Variants in MITF observed in about 807,000 individuals in gnomAD.
The protein encoded by MITF is melanocyte inducing transcription factor.
A neutral mutation model predicts 60.5 loss-of-function variants in MITF; 17 were observed. That is an observed-to-expected ratio of 0.28 (90% confidence interval 0.19 to 0.42). The LOEUF (loss-of-function observed/expected upper bound fraction) is 0.42, where lower values mean the gene tolerates loss of function less well. Among genes scored for constraint, MITF ranks in the 10% least tolerant of loss-of-function variants. The pLI is 1.00. For synonymous variants in MITF, 260 were observed against 248.5 expected (o/e 1.05, Z -0.43); for missense variants, 622 against 683.5 (o/e 0.91, Z 1.00).
chr3:69,763,834 G>C lies in MITF; in HGVS notation c.104+24133G>C, dbSNP rs1166719821. The C allele has an allele frequency of 8.8e-6, 12 of 1,367,516 alleles. 1 individual carries two copies. In the East Asian group the frequency reaches 4.3e-4, roughly 49 times the overall value. 84.7% of individuals were successfully genotyped at this position (1,367,516 alleles called of 1,614,324 possible). On this transcript the variant is annotated intron_variant, in intron 1 of 9. Transcript: ENST00000352241. ...TTCAGACCTATTCCGCTCCATCTCT[G>C]AAGTCAAATGGGACACCTTGAAAAT... is the stretch of plus-strand genomic sequence containing the variant.
chr3:69,828,939 C>A (rs1346850), intron 1 of MITF, among the ~76,000 whole-genome samples: 75,675 of 151,064 alleles, frequency 0.5, 20,571 homozygotes, highest in Non-Finnish European at 0.63. Flanking sequence ...ACTGGAATAT[C>A]GTGTGAGTGT....
At chr3:69,793,052 A>T (rs1470903098) in intron 1 of MITF, among the ~76,000 whole-genome samples, 8 of 105,098 alleles carry the variant, frequency 7.6e-5, no homozygotes, top group Non-Finnish European at 1.0e-4. Flanking sequence ...TCCCTCTGCC[A>T]CCCATGCTGA....
chr3:69,960,762 G>C (rs2066521447), intron 9 of MITF, among the ~76,000 whole-genome samples: 1 of 152,200 alleles, frequency 6.6e-6, no homozygotes, highest in African/African-American at 2.4e-5. Context: ...GTTTCACCTA[G>C]TGGTGCTCCT....
intron 2 of MITF, among the ~76,000 whole-genome samples, chr3:69,918,522 T>C (rs1376519193): frequency 6.6e-6 from 1 of 152,208 alleles, no homozygotes; most frequent in African/African-American, 2.4e-5. Flanking sequence ...CTGATAGCAG[T>C]GCATTGATTA....
At chr3:69,864,044 G>A (rs1380548695) in intron 1 of MITF, among the ~76,000 whole-genome samples, 2 of 152,078 alleles carry the variant, frequency 1.3e-5, no homozygotes, top group Non-Finnish European at 2.9e-5. Flanking sequence ...GATTATAATT[G>A]TAAGAGCTTT....
At chr3:69,910,460 C>T (rs2065200080) in intron 2 of MITF, among the ~76,000 whole-genome samples, 1 of 152,122 alleles carries the variant, frequency 6.6e-6, no homozygotes, top group Non-Finnish European at 1.5e-5. Flanking sequence ...CTCCATACCC[C>T]AGAATGGTAG....
chr3:69,920,684 C>A (rs1243481557), intron 2 of MITF, among the ~76,000 whole-genome samples: 1 of 152,168 alleles, frequency 6.6e-6, no homozygotes, highest in Non-Finnish European at 1.5e-5. Context: ...CACTCTTTAC[C>A]CTGCCCCTTT....
At chr3:69,792,802 T>C (rs2062762203) in intron 1 of MITF, among the ~76,000 whole-genome samples, 1 of 152,018 alleles carries the variant, frequency 6.6e-6, no homozygotes, top group South Asian at 2.1e-4. Context: ...AAATTCCTTA[T>C]TGATTGATTC....
chr3:69,757,996 CATGTGTGTGTGTGTGT>C (rs1227598410), intron 1 of MITF, among the ~76,000 whole-genome samples: 16 of 96,476 alleles, frequency 1.7e-4, no homozygotes, highest in African/African-American at 6.2e-4. Flanking sequence ...TACCCTAGGG[CATGTGTGTGTGTGTGT>C]GTGTGTGTGT....
chr3:69,753,858 G>T (rs1361220064), intron 1 of MITF, among the ~76,000 whole-genome samples: 1 of 152,104 alleles, frequency 6.6e-6, no homozygotes, highest in Non-Finnish European at 1.5e-5. Context: ...TAATTTATAG[G>T]CTCATAGGCA....
At chr3:69,890,387 C>A (rs919004762) in intron 2 of MITF, among the ~76,000 whole-genome samples, 1 of 152,130 alleles carries the variant, frequency 6.6e-6, no homozygotes, top group African/African-American at 2.4e-5. Context: ...ACACATATCA[C>A]ACTTACATAG....
chr3:69,886,495 C>T (rs2064621811), intron 2 of MITF, among the ~76,000 whole-genome samples: 1 of 152,032 alleles, frequency 6.6e-6, no homozygotes, highest in Non-Finnish European at 1.5e-5. Flanking sequence ...ACCTTATTTG[C>T]TTATAAGCAC....
intron 1 of MITF, among the ~76,000 whole-genome samples, chr3:69,764,278 C>G (rs1023844388): frequency 2.0e-5 from 3 of 152,176 alleles, no homozygotes; most frequent in African/African-American, 7.2e-5. Flanking sequence ...CCAGTGGTCC[C>G]CAAATTTCTT....
At chr3:69,938,958 A>G in intron 3 of MITF, 140 bp from the exon 4 acceptor site, 11 of 1,527,776 alleles carry the variant, frequency 7.2e-6, no homozygotes, top group Non-Finnish European at 8.8e-6. Flanking sequence ...TTCCTTCATT[A>G]TTTCATCTTT....
intron 2 of MITF, among the ~76,000 whole-genome samples, chr3:69,935,271 A>G (rs1339636340): frequency 6.6e-6 from 1 of 152,230 alleles, no homozygotes; most frequent in Non-Finnish European, 1.5e-5. Context: ...CTGCTTACCC[A>G]AACCTGGATG....
At chr3:69,806,370 GC>G (rs1368232829) in intron 1 of MITF, among the ~76,000 whole-genome samples, 7 of 152,076 alleles carry the variant, frequency 4.6e-5, no homozygotes, top group African/African-American at 1.7e-4. Context: ...ACAGGTGTGA[GC>G]CACTGCACCC....
At chr3:69,833,157 G>A (rs540935097) in intron 1 of MITF, among the ~76,000 whole-genome samples, 1 of 151,176 alleles carries the variant, frequency 6.6e-6, no homozygotes, top group African/African-American at 2.4e-5. Context: ...TGTTCACATT[G>A]TATGTGGTTA....
chr3:69,788,683 T>G (rs2062691233), intron 1 of MITF, among the ~76,000 whole-genome samples: 2 of 152,198 alleles, frequency 1.3e-5, no homozygotes, highest in African/African-American at 4.8e-5. Flanking sequence ...ACTCACACTT[T>G]CTGGTTTCAA....
At chr3:69,855,284 TAAAG>T (rs1239776160) in intron 1 of MITF, among the ~76,000 whole-genome samples, 7 of 144,350 alleles carry the variant, frequency 4.8e-5, no homozygotes, top group African/African-American at 1.0e-4. Flanking sequence ...AAAAAACACT[TAAAG>T]AAAAAAAAGT....
Sources: allele counts gnomAD v4.1 joint callset (sites outside exome capture counted in the v4.1 genomes callset), GRCh38; gene constraint gnomAD v4.1.1; transcripts MANE v1.5; gene names NCBI Gene and HGNC (gene_info 2026-07-23, HGNC 2026-07-21).